KCNQ1: variants seen among roughly 807,000 people sequenced by gnomAD.
The protein encoded by KCNQ1 is potassium voltage-gated channel subfamily Q member 1, also known as potassium voltage-gated channel subfamily KQT member 1.
In KCNQ1, 49 loss-of-function variants were observed where a neutral mutation model predicts 72.4. The ratio of observed to expected loss-of-function variants is 0.68; its 90% CI spans 0.54 to 0.86. The LOEUF is 0.86. Ranked by LOEUF, KCNQ1 falls within the 40% of genes least tolerant of loss-of-function variation. The probability of loss-of-function intolerance (pLI) is 0.00; values close to 1 mark genes in which losing one functional copy is unlikely to be tolerated. For synonymous variants in KCNQ1, 450 were observed against 412.6 expected, an observed-to-expected ratio of 1.09 and a Z score of -1.10; for missense variants, 790 against 945.1, an observed-to-expected ratio of 0.84 and a Z score of 2.15.
rs897643075 is a variant in KCNQ1 at position 2,783,892 on chromosome 11, C to A, written c.1794+5855C>A. Among the ~76,000 whole-genome samples the A allele has an allele frequency of 7.9e-5, 12 of 152,002 alleles. No homozygotes were observed. Among genetic ancestry groups the A allele is most frequent in the Non-Finnish European group, 1.6e-4 (11 of 67,878 alleles). On this transcript the variant is annotated intron_variant, in intron 15 of 15. Coordinates refer to ENST00000155840, the MANE Select transcript of KCNQ1 (RefSeq NM_000218.3). This position sits in a 1 kb window ranked among gnomAD's most constrained non-coding sequence, Gnocchi z 5.2. ...AAGGGTTTTTTATATGTTCTGGATA[C>A]AAGTCCTTTATCAGATCTATGACTT...
At position 2,698,446 on chromosome 11, in the gene KCNQ1, C is replaced by T. The variant is rs913834142; in HGVS notation, c.1514+36365C>T. ...TCAAGCCTACTACCCAGACTGAGAC[C>T]TGCATCTGATCAACTCTCATCTCCA... On this transcript the variant is annotated intron_variant, in intron 11 of 15. Coordinates refer to ENST00000155840, the MANE Select transcript of KCNQ1 (RefSeq NM_000218.3). The surrounding 1 kb of genome is among the most constrained non-coding windows in gnomAD (Gnocchi z 5.1). 5.8e-5 allele frequency: 18 copies of T among 310,054 alleles called. No homozygotes were observed. The highest frequency in any genetic ancestry group is 1.8e-4 in the African/African-American group (4 of 22,500). The allele number at this position is 310,054 out of a possible 1,614,324, so 19.2% of individuals were successfully genotyped here.
intron 1 of KCNQ1, among the ~76,000 whole-genome samples, chr11:2,460,255 G>A (rs955066998): frequency 1.3e-5 from 2 of 152,230 alleles, no homozygotes; most frequent in Admixed American, 6.5e-5. Flanking sequence ...CGGGCAGGGT[G>A]GCTGCAGGGC....
intron 1 of KCNQ1, among the ~76,000 whole-genome samples, chr11:2,505,811 A>G (rs179408): frequency 0.021 from 3,196 of 151,948 alleles, 42 homozygotes; most frequent in Middle Eastern, 0.048. Flanking sequence ...TGTGTTTGCC[A>G]TTTGCATGGA....
intron 15 of KCNQ1, among the ~76,000 whole-genome samples, chr11:2,812,730 T>G (rs1163001310): frequency 6.6e-6 from 1 of 152,136 alleles, no homozygotes; most frequent in Non-Finnish European, 1.5e-5. Context: ...CCAGGCACCC[T>G]TCCATGGCCG....
chr11:2,834,630 C>T (rs1411101670), intron 15 of KCNQ1, among the ~76,000 whole-genome samples: 5 of 152,156 alleles, frequency 3.3e-5, no homozygotes, highest in South Asian at 2.1e-4. Flanking sequence ...CGCTTGATGT[C>T]GGATGGAGAA....
At chr11:2,584,668 G>T (rs1247308603) in intron 7 of KCNQ1, among the ~76,000 whole-genome samples, 2 of 151,276 alleles carry the variant, frequency 1.3e-5, no homozygotes. Flanking sequence ...TTAGTGTGTG[G>T]GTTAGTGTTT....
chr11:2,531,628 C>T (rs1164757709), intron 2 of KCNQ1, among the ~76,000 whole-genome samples: 1 of 152,166 alleles, frequency 6.6e-6, no homozygotes, highest in Non-Finnish European at 1.5e-5. Context: ...CTTTCACTGC[C>T]CTGCAGCTCC....
Position 2,483,934 on chromosome 11 carries a change from G to T in KCNQ1, c.386+38450G>T, listed in dbSNP as rs1846692929. On this transcript the variant is annotated intron_variant, in intron 1 of 15. Transcript: ENST00000155840. This position sits in a 1 kb window ranked among gnomAD's most constrained non-coding sequence, Gnocchi z 6.1. ...GAGATTTTGCCCCGCTGATTTTAGT[G>T]CCCATCAGCTGGTTTTGCTTGTGAC... is the stretch of plus-strand genomic sequence containing the variant. Among the ~76,000 whole-genome samples, 1 of 152,140 alleles carries T rather than the reference G, an allele frequency of 6.6e-6. No individual in the cohort carries two copies. The highest frequency in any genetic ancestry group is 2.1e-4 in the South Asian group (1 of 4,816).
rs397508100 is a variant in KCNQ1 at position 2,777,022 on chromosome 11, CTCCG to C, written c.1725_1728del (p.Val576GlnfsTer16). 6.2e-7 allele frequency: 1 copy of C among 1,614,176 alleles called. No homozygotes were observed. The highest frequency in any genetic ancestry group is 8.5e-7 in the Non-Finnish European group (1 of 1,180,006). On this transcript the variant is annotated frameshift_variant, in exon 14 of 16. Transcript: ENST00000155840. LOFTEE classifies it high-confidence loss of function. Reference sequence around the variant, plus strand: ...CCATTGGGAAGCCCTCACTGTTCATCTCCGTCTCAGGTGGGTTTCTGTGTCAGTT... The same window carrying C: ...CCATTGGGAAGCCCTCACTGTTCATCTCTCAGGTGGGTTTCTGTGTCAGTT...
Position 2,808,062 on chromosome 11 carries a change from G to A in KCNQ1, c.1794+30025G>A, listed in dbSNP as rs1023916272. Among the ~76,000 whole-genome samples the A allele has an allele frequency of 3.3e-4, 50 of 152,290 alleles. No homozygotes were observed. Among genetic ancestry groups the A allele is most frequent in the Non-Finnish European group, 3.4e-4 (23 of 68,012 alleles). On this transcript the variant is annotated intron_variant, in intron 15 of 15. Coordinates refer to ENST00000155840, the MANE Select transcript of KCNQ1 (RefSeq NM_000218.3). This position sits in a 1 kb window ranked among gnomAD's most constrained non-coding sequence, Gnocchi z 6.0. Reference sequence around the variant, plus strand: ...GAGCACCTGGCCCAGTGCCCGGCACGTGGCAAGTGAAGGCGGCTGCTTCCC... The same window carrying A: ...GAGCACCTGGCCCAGTGCCCGGCACATGGCAAGTGAAGGCGGCTGCTTCCC...
At chr11:2,728,630 C>T (rs1424309017) in intron 11 of KCNQ1, among the ~76,000 whole-genome samples, 1 of 152,222 alleles carries the variant, frequency 6.6e-6, no homozygotes, top group Non-Finnish European at 1.5e-5. Flanking sequence ...ACTGCATCCT[C>T]CCAGAAGCTG....
Position 2,461,053 on chromosome 11 carries a change from G to T in KCNQ1, c.386+15569G>T, listed in dbSNP as rs1388353873. Among the ~76,000 whole-genome samples the T allele has an allele frequency of 3.3e-5, 5 of 152,306 alleles. No homozygotes were observed. The East Asian group carries it at 9.7e-4, about 29-fold the overall frequency. Reference sequence around the variant, plus strand: ...CTGGCCTCCACTGGGTCCAGGAGTGGCGATCTGTGAGCCAATGGCCGTGGC... The same window carrying T: ...CTGGCCTCCACTGGGTCCAGGAGTGTCGATCTGTGAGCCAATGGCCGTGGC... On this transcript the variant is annotated intron_variant, in intron 1 of 15. Transcript: ENST00000155840.
rs1482348817 is a variant in KCNQ1 at position 2,544,350 on chromosome 11, A to C, written c.477+16332A>C. Among the ~76,000 whole-genome samples, 1 of 146,570 alleles carries C rather than the reference A, an allele frequency of 6.8e-6. No homozygotes were observed. Among genetic ancestry groups the C allele is most frequent in the Non-Finnish European group, 1.5e-5 (1 of 67,216 alleles). ...TATATATATGTGTATGTATATGTATATATATGTGTATATATATGTGTATAT... is the reference window on the plus strand; with the variant it reads ...TATATATATGTGTATGTATATGTATCTATATGTGTATATATATGTGTATAT... On this transcript the variant is annotated intron_variant, in intron 2 of 15. Transcript: ENST00000155840. The surrounding 1 kb of genome is among the most constrained non-coding windows in gnomAD (Gnocchi z 4.4).
rs571021708 is a variant in KCNQ1, at chr11:2,503,688, A to G, written c.387-24240A>G. On this transcript the variant is annotated intron_variant, in intron 1 of 15. Coordinates refer to ENST00000155840, the MANE Select transcript of KCNQ1 (RefSeq NM_000218.3). Reference sequence around the variant, plus strand: ...ACATGTACCCTAAAACTTAAAGTATAATAATAATAAAAAAACAAATGACAA... The same window carrying G: ...ACATGTACCCTAAAACTTAAAGTATGATAATAATAAAAAAACAAATGACAA... 2.9e-5 allele frequency among the ~76,000 whole-genome samples: 4 copies of G among 138,150 alleles called. No individual in the cohort carries two copies. The South Asian group carries it at 8.9e-4, about 31-fold the overall frequency. The allele number at this position is 138,150 out of a possible 152,430, so 90.6% of individuals were successfully genotyped here.
intron 11 of KCNQ1, among the ~76,000 whole-genome samples, chr11:2,726,731 G>C (rs1845771824): frequency 1.3e-5 from 2 of 152,196 alleles, no homozygotes; most frequent in Non-Finnish European, 2.9e-5. Context: ...TAATACGGGG[G>C]AAATAGTGAT....
rs922572423 is a variant in KCNQ1, at chr11:2,690,627, G to A, written c.1514+28546G>A. 1 of 398,564 alleles carries A rather than the reference G, an allele frequency of 2.5e-6. No individual in the cohort carries two copies. Among genetic ancestry groups the A allele is most frequent in the Non-Finnish European group, 4.4e-6 (1 of 226,094 alleles). 24.7% of individuals were successfully genotyped at this position (398,564 alleles called of 1,614,324 possible). A position where few individuals can be genotyped will look rare whatever the true frequency, so the allele number is the denominator to read the frequency against. On this transcript the variant is annotated intron_variant, in intron 11 of 15. Coordinates refer to ENST00000155840, the MANE Select transcript of KCNQ1 (RefSeq NM_000218.3). The surrounding 1 kb of genome is among the most constrained non-coding windows in gnomAD (Gnocchi z 5.1). Reference sequence around the variant, plus strand: ...CACACATATGTGCATGTTCATATATGTGTCAGAATGCGTATTTGTCAGTGT... The same window carrying A: ...CACACATATGTGCATGTTCATATATATGTCAGAATGCGTATTTGTCAGTGT...
Position 2,600,844 on chromosome 11 carries a change from G to A in KCNQ1, c.1393+11990G>A, listed in dbSNP as rs2133776233. Among the ~76,000 whole-genome samples the A allele has an allele frequency of 6.6e-6, 1 of 152,168 alleles. No homozygotes were observed. Among genetic ancestry groups the A allele is most frequent in the Admixed American group, 6.5e-5 (1 of 15,288 alleles). Reference sequence around the variant, plus strand: ...AGATACAGTCCTGCCACTTCTTGGGGGAGTCTGATGTTTCCTCAGGTTAGA... The same window carrying A: ...AGATACAGTCCTGCCACTTCTTGGGAGAGTCTGATGTTTCCTCAGGTTAGA... On this transcript the variant is annotated intron_variant, in intron 10 of 15. Transcript: ENST00000155840. This position sits in a 1 kb window ranked among gnomAD's most constrained non-coding sequence, Gnocchi z 5.6.
At position 2,446,836 on chromosome 11, in the gene KCNQ1, G is replaced by C. The variant is rs780442118; in HGVS notation, c.386+1352G>C. Among the ~76,000 whole-genome samples the C allele has an allele frequency of 6.6e-6, 1 of 152,232 alleles. No homozygotes were observed. The highest frequency in any genetic ancestry group is 2.1e-4 in the South Asian group (1 of 4,838). On this transcript the variant is annotated intron_variant, in intron 1 of 15. Transcript: ENST00000155840. The surrounding 1 kb of genome is among the most constrained non-coding windows in gnomAD (Gnocchi z 8.8). Reference sequence around the variant, plus strand: ...TCTGTGAGAGGAGCTGGCTCTGCTCGTGGCTGCAACAGCGGGGGCTCGGCT... The same window carrying C: ...TCTGTGAGAGGAGCTGGCTCTGCTCCTGGCTGCAACAGCGGGGGCTCGGCT...
At chr11:2,525,419 G>A (rs1449612960) in intron 1 of KCNQ1, among the ~76,000 whole-genome samples, 3 of 152,210 alleles carry the variant, frequency 2.0e-5, no homozygotes, top group South Asian at 2.1e-4. Context: ...AGCGCTGTGC[G>A]GATTATAGTC....
Sources: allele counts gnomAD v4.1 joint callset (sites outside exome capture counted in the v4.1 genomes callset), GRCh38; gene constraint gnomAD v4.1.1; non-coding constraint Gnocchi (gnomAD v3.1); transcripts MANE v1.5; gene names NCBI Gene and HGNC (gene_info 2026-07-23, HGNC 2026-07-21).